The following SLC35F2 variants were observed in gnomAD, a reference collection of about 807,000 sequenced individuals.
SLC35F2 encodes solute carrier family 35 member F2.
SLC35F2 carries 25 observed loss-of-function variants against 38.1 expected under a neutral mutation model. The ratio of observed to expected loss-of-function variants is 0.66; its 90% confidence interval spans 0.48 to 0.92. The LOEUF (loss-of-function observed/expected upper bound fraction) is 0.92, where lower values mean the gene tolerates loss of function less well. SLC35F2 is among the 40% of genes least tolerant of loss of function. SLC35F2 has a pLI of 0.00. For missense variants in SLC35F2, 409 were observed against 452.9 expected, an observed-to-expected ratio of 0.90 and a Z score of 0.88; for synonymous variants, 173 against 181.7, an observed-to-expected ratio of 0.95 and a Z score of 0.38.
At chr11:107,855,530 T>G (rs890774444) in intron 1 of SLC35F2, among the ~76,000 whole-genome samples, 3 of 151,806 alleles carry the variant, frequency 2.0e-5, no homozygotes, top group Admixed American at 6.6e-5. Flanking sequence ...TGCATGCCTG[T>G]AATCCCAGCT....
chr11:107,847,012 G>C (rs1290563555), intron 1 of SLC35F2, among the ~76,000 whole-genome samples: 1 of 151,670 alleles, frequency 6.6e-6, no homozygotes, highest in Non-Finnish European at 1.5e-5. Flanking sequence ...GAAATGATTT[G>C]TTCTCTCTGA....
chr11:107,816,053 C>T (rs1386221415), intron 1 of SLC35F2, 88 bp from the exon 2 acceptor site: 5 of 1,353,370 alleles, frequency 3.7e-6, no homozygotes, highest in Non-Finnish European at 4.8e-6. Context: ...CACACACACA[C>T]TGCTAAACAC....
intron 4 of SLC35F2, 149 bp from the exon 5 acceptor site, chr11:107,805,664 GTGTGTGTA>G: frequency 7.0e-7 from 1 of 1,436,538 alleles, no homozygotes; most frequent in African/African-American, 1.4e-5. Context: ...GAGAGTGTGT[GTGTGTGTA>G]TGTGTGTGTG....
chr11:107,818,072 A>AAGAAAGAAAGAAAG (rs35121523), intron 1 of SLC35F2, among the ~76,000 whole-genome samples: 47 of 68,456 alleles, frequency 6.9e-4, no homozygotes, highest in African/African-American at 9.2e-4. Context: ...AAAAAAAAAA[A>AAGAAAGAAAGAAAG]AAAGAAAGAA....
At chr11:107,800,043 C>A (rs1859282865) in intron 7 of SLC35F2, among the ~76,000 whole-genome samples, 2 of 145,796 alleles carry the variant, frequency 1.4e-5, no homozygotes, top group Non-Finnish European at 3.0e-5. Flanking sequence ...CGTATGCCAC[C>A]ATGCCCGGCT....
chr11:107,809,460 CA>C (rs775009107), intron 3 of SLC35F2, among the ~76,000 whole-genome samples: 13,302 of 106,094 alleles, frequency 0.13, 1,284 homozygotes, highest in East Asian at 0.33. Flanking sequence ...GACTCCACCT[CA>C]AAAAAAAAAA....
At chr11:107,808,055 G>C (rs1274975907) in intron 3 of SLC35F2, among the ~76,000 whole-genome samples, 1 of 152,170 alleles carries the variant, frequency 6.6e-6, no homozygotes, top group Non-Finnish European at 1.5e-5. Flanking sequence ...GAAAGGACAT[G>C]GAATAAATAA....
intron 1 of SLC35F2, among the ~76,000 whole-genome samples, chr11:107,848,165 A>G (rs1344775659): frequency 6.6e-6 from 1 of 152,184 alleles, no homozygotes; most frequent in Non-Finnish European, 1.5e-5. Context: ...ATCCCCCTGA[A>G]TGATACACAT....
intron 1 of SLC35F2, among the ~76,000 whole-genome samples, chr11:107,825,659 C>G (rs190540376): frequency 8.0e-4 from 121 of 151,998 alleles, no homozygotes; most frequent in Non-Finnish European, 4.4e-4. Flanking sequence ...CGTGAGCCAC[C>G]GCGCCCGACC....
intron 7 of SLC35F2, among the ~76,000 whole-genome samples, chr11:107,794,192 T>C (rs988120231): frequency 1.3e-5 from 2 of 151,866 alleles, no homozygotes; most frequent in East Asian, 3.9e-4. Flanking sequence ...GCGATTCTTC[T>C]GCCTCAGCCT....
At chr11:107,808,505 G>C (rs1859431122) in intron 3 of SLC35F2, among the ~76,000 whole-genome samples, 1 of 152,092 alleles carries the variant, frequency 6.6e-6, no homozygotes, top group South Asian at 2.1e-4. Flanking sequence ...TCCCGAAACT[G>C]CTGTTTTATT....
intron 3 of SLC35F2, among the ~76,000 whole-genome samples, chr11:107,807,665 C>T (rs939915133): frequency 2.0e-5 from 3 of 151,868 alleles, no homozygotes; most frequent in African/African-American, 4.8e-5. Flanking sequence ...CTCTGCCTCT[C>T]GGGTTTAAGC....
chr11:107,823,030 T>G (rs1859700005), intron 1 of SLC35F2: 1 of 404,590 alleles, frequency 2.5e-6, no homozygotes, highest in African/African-American at 2.2e-5. Flanking sequence ...ATGCATTCAT[T>G]TCTTTAGCTC....
chr11:107,801,263 G>A (rs1199541525), intron 7 of SLC35F2, among the ~76,000 whole-genome samples: 2 of 152,008 alleles, frequency 1.3e-5, no homozygotes, highest in South Asian at 2.1e-4. Context: ...CGCTTTCATC[G>A]TCTTGCAAGT....
chr11:107,828,357 C>A (rs1415163825), intron 1 of SLC35F2, among the ~76,000 whole-genome samples: 2 of 151,366 alleles, frequency 1.3e-5, no homozygotes, highest in African/African-American at 4.9e-5. Flanking sequence ...TCGCTTGAAA[C>A]CGGAAGGCGG....
Position 107,832,449 on chromosome 11 carries a change from T to C in SLC35F2, c.111-16484A>G, listed in dbSNP as rs192816375. On this transcript the variant is annotated intron_variant, in intron 1 of 7. Transcript: ENST00000525815. ...AAAGAACCAGATAATTTGGGTGGGA[T>C]TGTGGAAATTTTTTGTTATTTTCTT... 2.3e-3 allele frequency among the ~76,000 whole-genome samples: 344 copies of C among 152,276 alleles called. 2 individuals carry two copies. Among genetic ancestry groups the C allele is most frequent in the African/African-American group, 7.9e-3 (330 of 41,556 alleles).
Position 107,791,712 on chromosome 11 carries a change from C to CA in SLC35F2, c.*902dup, listed in dbSNP as rs1257734225. On this transcript the variant is annotated 3_prime_UTR_variant, in exon 8 of 8. Coordinates refer to ENST00000525815, the MANE Select transcript of SLC35F2 (RefSeq NM_017515.5). ...AACATGGCGAAACCCCATCTCTCTA[C>CA]AAAAACAAACAAAACAGGCCTGGCA... The CA allele has an allele frequency of 6.6e-6, 1 of 151,792 alleles. No homozygotes were observed. Among genetic ancestry groups the CA allele is most frequent in the Non-Finnish European group, 1.5e-5 (1 of 68,048 alleles). The allele number at this position is 151,792 out of a possible 1,614,324, so 9.4% of individuals were successfully genotyped here. A position where few individuals can be genotyped will look rare whatever the true frequency, so the allele number is the denominator to read the frequency against.
intron 1 of SLC35F2, among the ~76,000 whole-genome samples, chr11:107,844,622 CAATAAATAAATAAATAAATAAATA>C (rs57389430): frequency 1.3e-4 from 17 of 134,862 alleles, no homozygotes; most frequent in South Asian, 2.5e-4. Context: ...ACTCCTTCTC[CAATAAATAAATAAATAAATAAATA>C]AATAAATAAA....
chr11:107,817,818 C>T (rs943070811), intron 1 of SLC35F2, among the ~76,000 whole-genome samples: 3 of 150,876 alleles, frequency 2.0e-5, no homozygotes, highest in Non-Finnish European at 3.0e-5. Context: ...CAGCAACTTT[C>T]GGAGGCTGAG....
Sources: gnomAD v4.1 joint callset for allele counts (sites outside exome capture counted in the v4.1 genomes callset) on GRCh38, gnomAD v4.1.1 for gene constraint, MANE v1.5 for transcripts, NCBI Gene and HGNC (gene_info 2026-07-23, HGNC 2026-07-21) for gene names.